The following FAF1 variants were observed in gnomAD, a reference collection of about 807,000 sequenced individuals.
The protein encoded by FAF1 is FAS-associated factor 1.
In FAF1, 25 loss-of-function variants were observed where a neutral mutation model predicts 92.5. The observed-to-expected ratio is 0.27, with a 90% CI of 0.20 to 0.38. The LOEUF (loss-of-function observed/expected upper bound fraction) is 0.38, where lower values mean the gene tolerates loss of function less well. FAF1 is among the 10% of genes least tolerant of loss of function. The pLI is 1.00. For missense variants in FAF1, 636 were observed against 793.3 expected (o/e 0.80, Z 2.38); for synonymous variants, 234 against 273.2 (o/e 0.86, Z 1.42).
At chr1:50,904,428 G>C (rs993833586) in intron 1 of FAF1, among the ~76,000 whole-genome samples, 2 of 152,178 alleles carry the variant, frequency 1.3e-5, no homozygotes, top group Non-Finnish European at 2.9e-5. Context: ...AAGTTCTGGA[G>C]ATGAATGGTG....
At chr1:50,534,188 T>C (rs12137729) in intron 15 of FAF1, among the ~76,000 whole-genome samples, 9,560 of 152,220 alleles carry the variant, frequency 0.063, 303 homozygotes, top group East Asian at 0.073. Context: ...TATCCCTCTG[T>C]CAGAAGCAGT....
In FAF1 at chr1:50,583,708, T is replaced by G; in HGVS notation, c.975A>C (p.Glu325Asp). 3.8e-6 allele frequency: 6 copies of G among 1,566,064 alleles called. No individual in the cohort carries two copies. The highest frequency in any genetic ancestry group is 5.2e-6 in the Non-Finnish European group (6 of 1,152,966). The change falls in exon 11 of 19, where the codon GAA becomes GAC. Residue 325 changes from glutamate (E) to aspartate (D), a missense_variant. Glu to Asp is a conservative substitution (Grantham distance 45). Transcript: ENST00000396153. This position sits in a 1 kb window ranked among gnomAD's most constrained non-coding sequence, Gnocchi z 4.2. ...AGGCATCTCCTTCATTTTCTGCGTT[T>G]TCTGGCACTAAAAAACAAACAAAAG... ...SALRKSPMMPENAENEGDALL... is the reference protein window; with the variant it reads ...SALRKSPMMPDNAENEGDALL...
At chr1:50,498,128 TC>T (rs1228196538) in intron 15 of FAF1, among the ~76,000 whole-genome samples, 2 of 152,064 alleles carry the variant, frequency 1.3e-5, no homozygotes, top group African/African-American at 4.8e-5. Flanking sequence ...GGATTGATCT[TC>T]AACAAGGGTG....
intron 1 of FAF1, among the ~76,000 whole-genome samples, chr1:50,945,826 C>G (rs1356033021): frequency 6.6e-6 from 1 of 152,224 alleles, no homozygotes; most frequent in African/African-American, 2.4e-5. Flanking sequence ...GAGTACCAAT[C>G]AGAGCTATAA....
At chr1:50,788,998 C>A (rs1177331884) in intron 3 of FAF1, among the ~76,000 whole-genome samples, 2 of 152,028 alleles carry the variant, frequency 1.3e-5, no homozygotes, top group Non-Finnish European at 2.9e-5. Flanking sequence ...AGCCCCAGCT[C>A]ATTTTTGTAT....
At chr1:50,913,207 C>T (rs1178721384) in intron 1 of FAF1, among the ~76,000 whole-genome samples, 2 of 152,190 alleles carry the variant, frequency 1.3e-5, no homozygotes, top group Non-Finnish European at 2.9e-5. Flanking sequence ...TAACCCAATA[C>T]ATAGCAAACT....
At chr1:50,950,089 CTCT>C (rs954958565) in intron 1 of FAF1, among the ~76,000 whole-genome samples, 4 of 152,268 alleles carry the variant, frequency 2.6e-5, no homozygotes, top group Admixed American at 2.0e-4. Context: ...GATCCCGTGC[CTCT>C]TCTTCTCAAA....
chr1:50,670,225 T>A (rs1480575974), intron 7 of FAF1, among the ~76,000 whole-genome samples: 2 of 151,650 alleles, frequency 1.3e-5, no homozygotes. Context: ...AGGGACAGAG[T>A]ATCACCCAGC....
intron 2 of FAF1, among the ~76,000 whole-genome samples, chr1:50,826,186 A>G (rs1275835750): frequency 2.6e-5 from 4 of 152,196 alleles, no homozygotes; most frequent in Non-Finnish European, 4.4e-5. Context: ...AAAAGAGTAA[A>G]CAAATACTCT....
chr1:50,934,495 G>A (rs1419432485), intron 1 of FAF1, among the ~76,000 whole-genome samples: 1 of 152,140 alleles, frequency 6.6e-6, no homozygotes, highest in African/African-American at 2.4e-5. Context: ...GGCCAAGGCA[G>A]GAGGATCACT....
rs1163266926 is a variant in FAF1, at chr1:50,520,023, T to C, written c.1494+15346A>G. On this transcript the variant is annotated intron_variant, in intron 15 of 18. Transcript: ENST00000396153. ...TGGTGTTGAGCACAATGCGGATATA[T>C]AGCAAGTCCCTAAAAAATGTGTAGA... Among the ~76,000 whole-genome samples the C allele has an allele frequency of 3.9e-5, 6 of 152,270 alleles. No individual in the cohort carries two copies. The East Asian group carries it at 7.7e-4, about 20-fold the overall frequency.
intron 15 of FAF1, among the ~76,000 whole-genome samples, chr1:50,499,146 G>C (rs1646947612): frequency 6.6e-6 from 1 of 152,086 alleles, no homozygotes; most frequent in African/African-American, 2.4e-5. Flanking sequence ...ACTTACATAA[G>C]GTACCTAGAA....
chr1:50,806,800 G>T (rs948041855), intron 2 of FAF1, among the ~76,000 whole-genome samples: 1 of 152,190 alleles, frequency 6.6e-6, no homozygotes, highest in African/African-American at 2.4e-5. Context: ...CACAAAGGAA[G>T]TGACTTCACT....
chr1:50,926,224 AAAACAAAC>A (rs898258801), intron 1 of FAF1, among the ~76,000 whole-genome samples: 5 of 152,164 alleles, frequency 3.3e-5, no homozygotes, highest in African/African-American at 1.2e-4. Context: ...CTAAACATAA[AAAACAAAC>A]AAACAAACAA....
intron 1 of FAF1, among the ~76,000 whole-genome samples, chr1:50,926,543 A>G (rs938717778): frequency 6.6e-6 from 1 of 152,060 alleles, no homozygotes; most frequent in Non-Finnish European, 1.5e-5. Flanking sequence ...ACTATAATTT[A>G]TTGTATATTT....
intron 1 of FAF1, among the ~76,000 whole-genome samples, chr1:50,887,041 C>T (rs1345772466): frequency 1.3e-5 from 2 of 152,116 alleles, no homozygotes; most frequent in East Asian, 3.8e-4. Context: ...CCAGCACCTG[C>T]AGTTTCCTGA....
intron 17 of FAF1, among the ~76,000 whole-genome samples, chr1:50,489,217 C>T (rs368819328): frequency 1.3e-4 from 20 of 152,198 alleles, no homozygotes; most frequent in Non-Finnish European, 2.4e-4. Context: ...AGGCAGAAAA[C>T]GTTTTATTAT....
At chr1:50,828,542 T>C (rs747792033) in intron 2 of FAF1, among the ~76,000 whole-genome samples, 13 of 152,170 alleles carry the variant, frequency 8.5e-5, no homozygotes, top group Non-Finnish European at 1.8e-4. Flanking sequence ...GTGCTGGGAT[T>C]ACAGGCCTGA....
intron 9 of FAF1, among the ~76,000 whole-genome samples, chr1:50,591,055 T>C (rs561107604): frequency 6.6e-6 from 1 of 152,326 alleles, no homozygotes; most frequent in South Asian, 2.1e-4. Context: ...GTTTTCAGTC[T>C]TTCACCCTTG....
Sources: allele counts gnomAD v4.1 joint callset (sites outside exome capture counted in the v4.1 genomes callset), GRCh38; gene constraint gnomAD v4.1.1; non-coding constraint Gnocchi (gnomAD v3.1); transcripts MANE v1.5; gene names NCBI Gene and HGNC (gene_info 2026-07-23, HGNC 2026-07-21).